PSEN1: variants seen among roughly 807,000 people sequenced by gnomAD.
PSEN1 encodes presenilin 1, also known as presenilin-1.
PSEN1 carries 15 observed loss-of-function variants against 53.5 expected under a neutral mutation model. The observed-to-expected ratio is 0.28, with a 90% confidence interval of 0.19 to 0.43. The LOEUF (loss-of-function observed/expected upper bound fraction) is 0.43, where lower values mean the gene tolerates loss of function less well. PSEN1 is among the 20% of genes least tolerant of loss of function. PSEN1 has a pLI of 1.00. For missense variants in PSEN1, 387 were observed against 571.2 expected (o/e 0.68, Z 3.29); for synonymous variants, 208 against 209.8 (o/e 0.99, Z 0.08).
chr14:73,142,159 G>C (rs987714336), intron 1 of PSEN1, among the ~76,000 whole-genome samples: 1 of 152,122 alleles, frequency 6.6e-6, no homozygotes, highest in Non-Finnish European at 1.5e-5. Context: ...TTTACTATTG[G>C]ATGTGATCCT....
chr14:73,201,244 C>T (rs367800884), intron 8 of PSEN1, among the ~76,000 whole-genome samples: 2 of 152,180 alleles, frequency 1.3e-5, no homozygotes, highest in South Asian at 2.1e-4. Flanking sequence ...CACGCCGCCA[C>T]GCCCGGCTAA....
intron 8 of PSEN1, among the ~76,000 whole-genome samples, chr14:73,200,188 T>C (rs1240218009): frequency 6.6e-6 from 1 of 151,642 alleles, no homozygotes; most frequent in African/African-American, 2.4e-5. Flanking sequence ...TTATTTGAAC[T>C]TTTTTTCATG....
chr14:73,192,335 G>A (rs1898753066), intron 6 of PSEN1, among the ~76,000 whole-genome samples: 1 of 152,108 alleles, frequency 6.6e-6, no homozygotes, highest in Non-Finnish European at 1.5e-5. Flanking sequence ...CAGCTACTTA[G>A]GAGGCTGAGC....
chr14:73,138,336 A>C (rs1896807513), intron 1 of PSEN1, among the ~76,000 whole-genome samples: 1 of 151,364 alleles, frequency 6.6e-6, no homozygotes, highest in Non-Finnish European at 1.5e-5. Context: ...CTCCTGCCTC[A>C]TCCTCCCCAG....
chr14:73,188,295 GATC>G (rs80099383), intron 6 of PSEN1, among the ~76,000 whole-genome samples: 8,519 of 152,200 alleles, frequency 0.056, 324 homozygotes, highest in Non-Finnish European at 0.088. Context: ...CATATTACTA[GATC>G]ATCATCTCTG....
Position 73,211,785 on chromosome 14 carries a change from A to G in PSEN1, c.972A>G (p.Ser324=). 6.2e-7 allele frequency: 1 copy of G among 1,614,122 alleles called. No individual in the cohort carries two copies. Among genetic ancestry groups the G allele is most frequent in the Non-Finnish European group, 8.5e-7 (1 of 1,179,980 alleles). Reference sequence around the variant, plus strand: ...CTCTTGAAGGCACAGAAAGGGAGTCACAAGACACTGTTGCAGAGAATGATG... The same window carrying G: ...CTCTTGAAGGCACAGAAAGGGAGTCGCAAGACACTGTTGCAGAGAATGATG... ...KYNAESTERE[S]QDTVAENDDG... is the part of the protein sequence containing the mutation. The change falls in exon 10 of 12, where the codon TCA becomes TCG. Residue 324 remains serine (S), a synonymous_variant. Transcript: ENST00000324501.
intron 8 of PSEN1, among the ~76,000 whole-genome samples, chr14:73,201,189 G>A (rs975934766): frequency 3.9e-5 from 6 of 152,046 alleles, no homozygotes; most frequent in Non-Finnish European, 8.8e-5. Flanking sequence ...CCTGGGTTCA[G>A]CCATTCTCCT....
Position 73,166,914 on chromosome 14 carries a change from C to T in PSEN1, c.88-3883C>T, listed in dbSNP as rs214270. On this transcript the variant is annotated intron_variant, in intron 3 of 11. Transcript: ENST00000324501. ...AGGAAAGCACACCATGCCTTTATAA[C>T]GCCAGCCTCGGTCTTTTTTTTGTTC... Among the ~76,000 whole-genome samples the T allele has an allele frequency of 8.2e-3, 1,255 of 152,284 alleles. 21 individuals carry two copies. Among genetic ancestry groups the T allele is most frequent in the African/African-American group, 0.029 (1,204 of 41,568 alleles).
chr14:73,188,468 A>G (rs1388795710), intron 6 of PSEN1, among the ~76,000 whole-genome samples: 2 of 152,138 alleles, frequency 1.3e-5, no homozygotes, highest in Non-Finnish European at 1.5e-5. Context: ...AACCTGCGCA[A>G]CATAACAAGA....
Position 73,186,548 on chromosome 14 carries a change from G to A in PSEN1, c.481-305G>A, listed in dbSNP as rs57895054. ...TCTCAGCACTTTGGGAGTCTGAGGC[G>A]GGCGGATCACTTGAGGTCAGGAATT... On this transcript the variant is annotated intron_variant, in intron 5 of 11. Transcript: ENST00000324501. Among the ~76,000 whole-genome samples, 744 of 152,182 alleles carry A rather than the reference G, an allele frequency of 4.9e-3. 5 individuals carry two copies. The highest frequency in any genetic ancestry group is 0.016 in the African/African-American group (680 of 41,516).
intron 3 of PSEN1, among the ~76,000 whole-genome samples, chr14:73,166,996 T>G (rs867234188): frequency 6.6e-6 from 1 of 152,204 alleles, no homozygotes; most frequent in Middle Eastern, 3.4e-3. Flanking sequence ...ACTGGGTGAT[T>G]TATTTATTTA....
At chr14:73,173,741 C>G (rs973068469) in intron 5 of PSEN1, 34 bp downstream of exon 5, 16 of 1,610,416 alleles carry the variant, frequency 9.9e-6, no homozygotes, top group Non-Finnish European at 1.1e-5. Context: ...GCTTTCCACC[C>G]TGTTCTTCTT....
chr14:73,185,591 G>C (rs10131037), intron 5 of PSEN1, among the ~76,000 whole-genome samples: 1,719 of 151,916 alleles, frequency 0.011, 32 homozygotes, highest in African/African-American at 0.038. Flanking sequence ...CGTGGAAAGA[G>C]AGGGAGAGGG....
intron 8 of PSEN1, among the ~76,000 whole-genome samples, chr14:73,198,646 G>A (rs165933): frequency 0.19 from 28,538 of 152,176 alleles, 3,099 homozygotes; most frequent in East Asian, 0.42. Flanking sequence ...TTGAATTATG[G>A]TAGTGGCAGT....
At chr14:73,175,969 C>T (rs1286991627) in intron 5 of PSEN1, among the ~76,000 whole-genome samples, 1 of 152,142 alleles carries the variant, frequency 6.6e-6, no homozygotes, top group African/African-American at 2.4e-5. Flanking sequence ...TAAAACTGTG[C>T]TGGTTTTTAT....
chr14:73,189,924 G>A (rs1898654414), intron 6 of PSEN1: 1 of 162,346 alleles, frequency 6.2e-6, no homozygotes, highest in African/African-American at 2.4e-5. Flanking sequence ...AGCAGGTGTA[G>A]ACTGAGCTGG....
At chr14:73,145,227 C>A (rs566520853) in intron 1 of PSEN1, among the ~76,000 whole-genome samples, 1 of 152,122 alleles carries the variant, frequency 6.6e-6, no homozygotes, top group Non-Finnish European at 1.5e-5. Context: ...ATTACCCTTT[C>A]TTTGCCTTGT....
At chr14:73,192,987 A>T (rs565259238) in intron 7 of PSEN1, 123 bp downstream of exon 7, 11 of 798,926 alleles carry the variant, frequency 1.4e-5, no homozygotes, top group Admixed American at 1.4e-4. Context: ...CTCTTCAGTA[A>T]ATCATTAATT....
At chr14:73,138,600 G>A (rs894420619) in intron 1 of PSEN1, among the ~76,000 whole-genome samples, 2 of 151,928 alleles carry the variant, frequency 1.3e-5, no homozygotes, top group Admixed American at 6.6e-5. Flanking sequence ...TGATCCTCCC[G>A]CCTTGGCCTC....
Sources: gnomAD v4.1 joint callset for allele counts (sites outside exome capture counted in the v4.1 genomes callset) on GRCh38, gnomAD v4.1.1 for gene constraint, MANE v1.5 for transcripts, NCBI Gene and HGNC (gene_info 2026-07-23, HGNC 2026-07-21) for gene names.